The following SETD1A variants were observed in gnomAD, a reference collection of about 807,000 sequenced individuals.
SETD1A encodes histone-lysine N-methyltransferase SETD1A.
A neutral mutation model predicts 149.9 loss-of-function variants in SETD1A; 29 were observed. The ratio of observed to expected loss-of-function variants is 0.19; its 90% CI spans 0.14 to 0.26. The LOEUF (loss-of-function observed/expected upper bound fraction) is 0.26, where lower values mean the gene tolerates loss of function less well. Ranked by LOEUF, SETD1A falls within the 10% of genes least tolerant of loss-of-function variation. The pLI is 1.00. For synonymous variants in SETD1A, 1,141 were observed against 968.5 expected (o/e 1.18, Z -3.31); for missense variants, 2,109 against 2,353.1 (o/e 0.90, Z 2.15).
At chr16:30,974,189 C>T (rs753073706) in intron 13 of SETD1A, among the ~76,000 whole-genome samples, 58 of 152,040 alleles carry the variant, frequency 3.8e-4, no homozygotes, top group Non-Finnish European at 7.2e-4. Context: ...GGAAAAGAAA[C>T]TTGGGAAGAA....
At chr16:30,973,772 G>A (rs148493653) in intron 13 of SETD1A, among the ~76,000 whole-genome samples, 72 of 152,250 alleles carry the variant, frequency 4.7e-4, no homozygotes, top group African/African-American at 1.7e-3. Context: ...TCACCCTGGT[G>A]CACTCTACTA....
intron 13 of SETD1A, among the ~76,000 whole-genome samples, chr16:30,978,251 C>A (rs867610361): frequency 7.2e-6 from 1 of 137,960 alleles, no homozygotes; most frequent in South Asian, 2.3e-4. Context: ...TCCCACCTGG[C>A]GACAGGGCGA....
At chr16:30,974,659 G>A (rs1479537409) in intron 13 of SETD1A, among the ~76,000 whole-genome samples, 2 of 152,164 alleles carry the variant, frequency 1.3e-5, no homozygotes, top group Non-Finnish European at 2.9e-5. Flanking sequence ...AGGGTGTTAA[G>A]GAATGAGGGG....
At chr16:30,972,867 G>A (rs888033422) in intron 13 of SETD1A, among the ~76,000 whole-genome samples, 4 of 150,884 alleles carry the variant, frequency 2.7e-5, no homozygotes, top group African/African-American at 4.9e-5. Context: ...AAAAAAAAAA[G>A]AGAGAATACC....
In SETD1A at chr16:30,971,480, GCTC is replaced by G; in HGVS notation, c.3123_3125del (p.Ser1058del). On this transcript the variant is annotated inframe_deletion, in exon 13 of 19. Coordinates refer to ENST00000262519, the MANE Select transcript of SETD1A (RefSeq NM_014712.3). ...GACTCCGAGAGCAGCAGCTCTTCCAGCTCCTCATCCTCCTCCTCCTCCTCGTCC... is the reference window on the plus strand; with the variant it reads ...GACTCCGAGAGCAGCAGCTCTTCCAGCTCATCCTCCTCCTCCTCCTCGTCC... 2.5e-6 allele frequency: 4 copies of G among 1,613,868 alleles called. No individual in the cohort carries two copies. The highest frequency in any genetic ancestry group is 1.1e-5 in the South Asian group (1 of 91,056).
intron 10 of SETD1A, among the ~76,000 whole-genome samples, chr16:30,968,750 G>A (rs1198097612): frequency 6.6e-6 from 1 of 151,590 alleles, no homozygotes; most frequent in Non-Finnish European, 1.5e-5. Context: ...GCTGTGAGCT[G>A]AGATTGTGCC....
chr16:30,958,573 G>A, intron 1 of SETD1A, 144 bp from the exon 2 acceptor site: 1 of 662,574 alleles, frequency 1.5e-6, no homozygotes. Context: ...ACTTGGGGGA[G>A]AATCCGGGGG....
chr16:30,963,651 G>A (rs1276674630), intron 5 of SETD1A, 97 bp downstream of exon 5: 24 of 1,341,448 alleles, frequency 1.8e-5, no homozygotes, highest in Non-Finnish European at 2.2e-5. Flanking sequence ...GGGCTTTCCC[G>A]TTAAACAAAG....
Position 30,966,402 on chromosome 16 carries a change from G to T in SETD1A, c.2505+16G>T. ...GAAGGCCAAGGTGAGGCCAGCGCCT[G>T]GGACCGGGGAGCCCTGGGCTTTGCA... On this transcript the variant is annotated intron_variant, in intron 8 of 18. Transcript: ENST00000262519. The T allele has an allele frequency of 6.3e-7, 1 of 1,588,096 alleles. No homozygotes were observed. The highest frequency in any genetic ancestry group is 1.2e-5 in the South Asian group (1 of 86,764).
In SETD1A at chr16:30,979,252, C is replaced by T; in HGVS notation, c.3466C>T (p.Pro1156Ser). ...RPDERPSSPIPLLPPPKKRRK... is the reference protein window; with the variant it reads ...RPDERPSSPISLLPPPKKRRK... Reference sequence around the variant, plus strand: ...CGATGAGCGTCCCTCTTCTCCCATCCCCCTCCTGCCCCCACCCAAGAAACG... The same window carrying T: ...CGATGAGCGTCCCTCTTCTCCCATCTCCCTCCTGCCCCCACCCAAGAAACG... The change falls in exon 14 of 19, where the codon CCC becomes TCC. Residue 1156 changes from proline (P) to serine (S), a missense_variant. Around this residue, in one of 8 missense-constraint regions of SETD1A, gnomAD observed 832 missense variants for 815.6 expected, o/e 1.02. Coordinates refer to ENST00000262519, the MANE Select transcript of SETD1A (RefSeq NM_014712.3). The T allele has an allele frequency of 6.2e-7, 1 of 1,610,136 alleles. No individual in the cohort carries two copies. The highest frequency in any genetic ancestry group is 8.5e-7 in the Non-Finnish European group (1 of 1,177,662).
Position 30,979,359 on chromosome 16 carries a change from T to C in SETD1A, c.3573T>C (p.Phe1191=). The C allele has an allele frequency of 6.2e-7, 1 of 1,612,548 alleles. No individual in the cohort carries two copies. The highest frequency in any genetic ancestry group is 8.5e-7 in the Non-Finnish European group (1 of 1,179,492). Reference sequence around the variant, plus strand: ...CAGCCACACCGCCGCAGGCCAAGTTTCCCGGCCCAGCCTCCCGCAAGGCTC... The same window carrying C: ...CAGCCACACCGCCGCAGGCCAAGTTCCCCGGCCCAGCCTCCCGCAAGGCTC... The part of the protein sequence containing the change: ...PPPATPPQAK[F]PGPASRKAPR... The change falls in exon 14 of 19, where the codon TTT becomes TTC. Residue 1191 remains phenylalanine, a synonymous_variant. Transcript: ENST00000262519.
intron 9 of SETD1A, 68 bp downstream of exon 9, chr16:30,967,128 G>A (rs910883649): frequency 3.4e-6 from 4 of 1,171,086 alleles, no homozygotes; most frequent in Non-Finnish European, 4.8e-6. Context: ...CCTTGGGGTA[G>A]GGGTGGTCAG....
At position 30,964,297 on chromosome 16, in the gene SETD1A, CTCT is replaced by C; in HGVS notation, c.844_846del (p.Ser282del). The C allele has an allele frequency of 6.2e-7, 1 of 1,613,794 alleles. No homozygotes were observed. The highest frequency in any genetic ancestry group is 8.5e-7 in the Non-Finnish European group (1 of 1,179,774). ...ACACGTCTCGGGGCAGCACCCCCTA[CTCT>C]CAGGACTCTGCCTACTCCAGCAGGT... On this transcript the variant is annotated inframe_deletion, in exon 6 of 19. Transcript: ENST00000262519.
At position 30,984,006 on chromosome 16, in the gene SETD1A, C is replaced by A. The variant is rs1393480786; in HGVS notation, c.5107C>A (p.Arg1703=). 3 of 1,613,150 alleles carry A rather than the reference C, an allele frequency of 1.9e-6. No individual in the cohort carries two copies. The highest frequency in any genetic ancestry group is 2.5e-6 in the Non-Finnish European group (3 of 1,179,584). The part of the protein sequence containing the change: ...IPCLCGTESC[R]GSLN ...GTGTCTGTGTGGCACAGAGAGCTGC[C>A]GGGGCTCCCTAAACTGAGGTGGGGC... Residue 1703 remains arginine (R), a synonymous_variant, in exon 19 of 19, where the codon CGG becomes AGG. Transcript: ENST00000262519.
In SETD1A at chr16:30,979,216, G is replaced by GCCC; in HGVS notation, c.3432_3434dup (p.Pro1145dup). On this transcript the variant is annotated inframe_insertion, in exon 14 of 19. Coordinates refer to ENST00000262519, the MANE Select transcript of SETD1A (RefSeq NM_014712.3). Reference sequence around the variant, plus strand: ...ACCACCTGCTGGGCCCCCGGCCCCTGCCCCACGCCCCGATGAGCGTCCCTC... The same window carrying GCCC: ...ACCACCTGCTGGGCCCCCGGCCCCTGCCCCCCCACGCCCCGATGAGCGTCCCTC... The GCCC allele has an allele frequency of 6.4e-7, 1 of 1,551,728 alleles. No homozygotes were observed. The highest frequency in any genetic ancestry group is 2.0e-5 in the Admixed American group (1 of 50,896).
chr16:30,964,890 C>T lies in SETD1A; in HGVS notation c.1148C>T (p.Pro383Leu), dbSNP rs781295486. 6.2e-6 allele frequency: 10 copies of T among 1,614,106 alleles called. No homozygotes were observed. The African/African-American group carries it at 1.3e-4, about 22-fold the overall frequency. Residue 383 changes from proline (P) to leucine (L), a missense_variant, in exon 7 of 19, where the codon CCA becomes CTA. Pro to Leu is a moderately conservative substitution (Grantham distance 98). Transcript: ENST00000262519. ...CGCTACCAGCGCCATACTTCCTACC[C>T]ACCACGCCGGGCCACACGGGAGGAA... ...WNRYQRHTSY[P>L]PRRATREEPP...
intron 10 of SETD1A, among the ~76,000 whole-genome samples, chr16:30,968,495 C>T (rs538952612): frequency 7.3e-5 from 11 of 151,568 alleles, no homozygotes; most frequent in African/African-American, 2.4e-4. Flanking sequence ...TATATACACA[C>T]ACATATGCGT....
In SETD1A at chr16:30,980,366, C is replaced by T. The variant is rs999931234; in HGVS notation, c.4409-119C>T. 4 of 1,452,346 alleles carry T rather than the reference C, an allele frequency of 2.8e-6. No homozygotes were observed. Among genetic ancestry groups the T allele is most frequent in the African/African-American group, 2.8e-5 (2 of 70,464 alleles). The allele number at this position is 1,452,346 out of a possible 1,614,324, so 90.0% of individuals were successfully genotyped here. A position where few individuals can be genotyped will look rare whatever the true frequency, so the allele number is the denominator to read the frequency against. The stretch of plus-strand genomic sequence containing the variant: ...AGCATTTCTGGCAGGAACGATGGGG[C>T]TGGGGCTTCCTCCCCTGTCCCTCAC... On this transcript the variant is annotated intron_variant, in intron 14 of 18. Coordinates refer to ENST00000262519, the MANE Select transcript of SETD1A (RefSeq NM_014712.3). The surrounding 1 kb of genome is among the most constrained non-coding windows in gnomAD (Gnocchi z 7.7).
In SETD1A at chr16:30,965,727, C is replaced by T. The variant is rs1475577789; in HGVS notation, c.1846C>T (p.Pro616Ser). The change falls in exon 8 of 19, where the codon CCC becomes TCC. Residue 616 changes from proline (P) to serine (S), a missense_variant. Pro to Ser is a moderately conservative substitution (Grantham distance 74). Around this residue, in one of 8 missense-constraint regions of SETD1A, gnomAD observed 431 missense variants for 388.6 expected, o/e 1.11. Transcript: ENST00000262519. Reference sequence around the variant, plus strand: ...TCCCCCTCCCCCGCCGCCTCCTCCTCCCTACCTGGCGTCCCTTCCTCTTGG... The same window carrying T: ...TCCCCCTCCCCCGCCGCCTCCTCCTTCCTACCTGGCGTCCCTTCCTCTTGG... ...PPPPPPPPPP[P>S]YLASLPLGYP... 2 of 1,586,002 alleles carry T rather than the reference C, an allele frequency of 1.3e-6. No individual in the cohort carries two copies. The highest frequency in any genetic ancestry group is 1.7e-6 in the Non-Finnish European group (2 of 1,165,796).
Sources: allele counts gnomAD v4.1 joint callset (sites outside exome capture counted in the v4.1 genomes callset), GRCh38; gene constraint gnomAD v4.1.1; regional missense constraint gnomAD v4.1.1; non-coding constraint Gnocchi (gnomAD v3.1); transcripts MANE v1.5; gene names NCBI Gene and HGNC (gene_info 2026-07-23, HGNC 2026-07-21).